Variants in FKBP4 observed in about 807,000 individuals in gnomAD.
FKBP4 encodes the protein peptidyl-prolyl cis-trans isomerase FKBP4.
In FKBP4, 28 loss-of-function variants were observed where a neutral mutation model predicts 54.1. That is an observed-to-expected ratio of 0.52 (90% confidence interval 0.38 to 0.71). The LOEUF (loss-of-function observed/expected upper bound fraction) is 0.71, where lower values mean the gene tolerates loss of function less well. Ranked by LOEUF, FKBP4 falls within the 30% of genes least tolerant of loss-of-function variation. FKBP4 has a pLI of 0.00. For missense variants in FKBP4, 493 were observed against 574.4 expected, an observed-to-expected ratio of 0.86 and a Z score of 1.45; for synonymous variants, 223 against 216.1, an observed-to-expected ratio of 1.03 and a Z score of -0.28.
intron 9 of FKBP4, among the ~76,000 whole-genome samples, chr12:2,802,168 G>A (rs554121144): frequency 2.6e-5 from 4 of 151,764 alleles, no homozygotes; most frequent in Admixed American, 2.6e-4. Flanking sequence ...ACAGAGTTTC[G>A]TTCTTGTTGC....
rs1011672120 is a variant in FKBP4, at chr12:2,805,250, A to C, written c.*1992A>C. On this transcript the variant is annotated 3_prime_UTR_variant, in exon 10 of 10. Transcript: ENST00000001008. Reference sequence around the variant, plus strand: ...GACTCTCCCATGAGGTTCCTTTGGCAAGTCCTGGGCTTCTGTCCTCATCTG... The same window carrying C: ...GACTCTCCCATGAGGTTCCTTTGGCCAGTCCTGGGCTTCTGTCCTCATCTG... The C allele has an allele frequency of 4.6e-5, 21 of 452,946 alleles. No individual in the cohort carries two copies. Among genetic ancestry groups the C allele is most frequent in the Non-Finnish European group, 8.4e-5 (19 of 225,840 alleles). 28.1% of individuals were successfully genotyped at this position (452,946 alleles called of 1,614,324 possible).
rs1442236219 is a variant in FKBP4, at chr12:2,804,436, T to C, written c.*1178T>C. 6.6e-6 allele frequency: 1 copy of C among 152,164 alleles called. No individual in the cohort carries two copies. Among genetic ancestry groups the C allele is most frequent in the Non-Finnish European group, 1.5e-5 (1 of 68,036 alleles). The allele number at this position is 152,164 out of a possible 1,614,324, so 9.4% of individuals were successfully genotyped here. ...GATTAAGGTTAAGAGTAAAGCAGAG[T>C]GTTCACGTCCAGCTTCCTTCTCAGC... On this transcript the variant is annotated 3_prime_UTR_variant, in exon 10 of 10. Transcript: ENST00000001008.
At chr12:2,799,318 C>T in intron 5 of FKBP4, 74 bp downstream of exon 5, 1 of 1,423,294 alleles carries the variant, frequency 7.0e-7, no homozygotes, top group Non-Finnish European at 9.3e-7. Flanking sequence ...ATTGTAGAAC[C>T]AGCTGTTTGT....
At chr12:2,801,039 C>A (rs1041943777) in intron 8 of FKBP4, 78 bp from the exon 9 acceptor site, 26 of 1,578,406 alleles carry the variant, frequency 1.6e-5, no homozygotes, top group Non-Finnish European at 2.2e-5. Context: ...CTGAGGGGTA[C>A]CTTTGGAACC....
At chr12:2,796,944 C>T in intron 1 of FKBP4, 194 bp from the exon 2 acceptor site, 5 of 1,370,420 alleles carry the variant, frequency 3.6e-6, no homozygotes, top group Non-Finnish European at 4.7e-6. Flanking sequence ...AGTCTTGCTG[C>T]ACCTCAAGAA....
intron 9 of FKBP4, among the ~76,000 whole-genome samples, chr12:2,802,844 C>T (rs1457021415): frequency 2.0e-5 from 3 of 152,234 alleles, no homozygotes; most frequent in African/African-American, 7.2e-5. Context: ...CCTCTTGTCT[C>T]AGCCTCCCGA....
rs1173287138 is a variant in FKBP4, at chr12:2,795,283, G to A, written c.105+39G>A. 5 of 1,111,840 alleles carry A rather than the reference G, an allele frequency of 4.5e-6. No homozygotes were observed. In the African/African-American group the frequency reaches 6.7e-5, roughly 15 times the overall value. 68.9% of individuals were successfully genotyped at this position (1,111,840 alleles called of 1,614,324 possible). A position where few individuals can be genotyped will look rare whatever the true frequency, so the allele number is the denominator to read the frequency against. ...GGGCCTGCGGAGGCGTCGGAACCCG[G>A]GGCCCCGCGGGCCGCCCTTCCGCCG... On this transcript the variant is annotated intron_variant, in intron 1 of 9. Coordinates refer to ENST00000001008, the MANE Select transcript of FKBP4 (RefSeq NM_002014.4). This position sits in a 1 kb window ranked among gnomAD's most constrained non-coding sequence, Gnocchi z 4.3.
rs2097906062 is a variant in FKBP4, at chr12:2,803,668, A to G, written c.*410A>G. The stretch of plus-strand genomic sequence containing the variant: ...TTTCCCTCTCCCAGTCCATTTCCAA[A>G]TGTGGCCTCCATGTGGGTGCTAGGG... On this transcript the variant is annotated 3_prime_UTR_variant, in exon 10 of 10. Coordinates refer to ENST00000001008, the MANE Select transcript of FKBP4 (RefSeq NM_002014.4). The G allele has an allele frequency of 5.8e-6, 1 of 171,858 alleles. No individual in the cohort carries two copies. Among genetic ancestry groups the G allele is most frequent in the Non-Finnish European group, 1.3e-5 (1 of 78,336 alleles). The allele number at this position is 171,858 out of a possible 1,614,324, so 10.6% of individuals were successfully genotyped here. A position where few individuals can be genotyped will look rare whatever the true frequency, so the allele number is the denominator to read the frequency against.
In FKBP4 at chr12:2,795,177, C is replaced by T. The variant is rs1371133830; in HGVS notation, c.38C>T (p.Ala13Val). The change falls in exon 1 of 10, where the codon GCG (alanine) becomes GTG (valine). Residue 13 changes from alanine (A) to valine (V), a missense_variant. Transcript: ENST00000001008. The surrounding 1 kb of genome is among the most constrained non-coding windows in gnomAD (Gnocchi z 4.3). ...GAGATGAAGGCGACCGAGAGCGGGG[C>T]GCAGTCGGCGCCGCTGCCCATGGAG... ...AEEMKATESGAQSAPLPMEGV... is the reference protein window; with the variant it reads ...AEEMKATESGVQSAPLPMEGV... 1 of 1,318,166 alleles carries T rather than the reference C, an allele frequency of 7.6e-7. No individual in the cohort carries two copies. The highest frequency in any genetic ancestry group is 9.8e-7 in the Non-Finnish European group (1 of 1,024,990). 81.7% of individuals were successfully genotyped at this position (1,318,166 alleles called of 1,614,324 possible).
chr12:2,801,023 A>G, intron 8 of FKBP4, 94 bp from the exon 9 acceptor site: 12 of 1,533,474 alleles, frequency 7.8e-6, no homozygotes, highest in Non-Finnish European at 1.1e-5. Context: ...ATTCCTCCTC[A>G]TCCTCCTGAG....
rs758107060 is a variant in FKBP4, at chr12:2,799,990, G to A, written c.763-49G>A. The A allele has an allele frequency of 3.4e-5, 55 of 1,612,430 alleles. No homozygotes were observed. In the East Asian group the frequency reaches 4.9e-4, roughly 14 times the overall value. ...TCTAAAGTCAAGTTCCACCCTGTAC[G>A]TGACTCTGGGGTAGCTGACAACTTT... is the stretch of plus-strand genomic sequence containing the variant. On this transcript the variant is annotated intron_variant, in intron 6 of 9. Transcript: ENST00000001008.
Position 2,795,990 on chromosome 12 carries a change from T to C in FKBP4, c.105+746T>C. On this transcript the variant is annotated intron_variant, in intron 1 of 9. Transcript: ENST00000001008. This position sits in a 1 kb window ranked among gnomAD's most constrained non-coding sequence, Gnocchi z 4.3. Reference sequence around the variant, plus strand: ...GGGGTGTGGGGCGGGGAGGAGGCGCTCTGCTGTGGAGCCTGCCGCCGAGTG... The same window carrying C: ...GGGGTGTGGGGCGGGGAGGAGGCGCCCTGCTGTGGAGCCTGCCGCCGAGTG... 1 of 1,096,126 alleles carries C rather than the reference T, an allele frequency of 9.1e-7. No homozygotes were observed. Among genetic ancestry groups the C allele is most frequent in the Non-Finnish European group, 1.1e-6 (1 of 892,556 alleles). The allele number at this position is 1,096,126 out of a possible 1,614,324, so 67.9% of individuals were successfully genotyped here.
rs1431904390 is a variant in FKBP4 at position 2,799,831 on chromosome 12, G to T, written c.672-19G>T. 17 of 1,607,494 alleles carry T rather than the reference G, an allele frequency of 1.1e-5. No homozygotes were observed. The highest frequency in any genetic ancestry group is 1.4e-5 in the Non-Finnish European group (17 of 1,174,948). On this transcript the variant is annotated intron_variant, in intron 5 of 9. Coordinates refer to ENST00000001008, the MANE Select transcript of FKBP4 (RefSeq NM_002014.4). ...TTAAGTGTTGCCAAGATGATACATA[G>T]TGTTTTTCACCCCTCCAGCTATGCT...
chr12:2,796,875 AC>A, intron 1 of FKBP4: 1 of 1,274,256 alleles, frequency 7.8e-7, no homozygotes, highest in African/African-American at 1.5e-5. Context: ...TTAAAAACTT[AC>A]CATACAGCGG....
rs935168835 is a variant in FKBP4, at chr12:2,795,948, C to T, written c.105+704C>T. On this transcript the variant is annotated intron_variant, in intron 1 of 9. Coordinates refer to ENST00000001008, the MANE Select transcript of FKBP4 (RefSeq NM_002014.4). The surrounding 1 kb of genome is among the most constrained non-coding windows in gnomAD (Gnocchi z 4.3). Reference sequence around the variant, plus strand: ...TAGTCCCCTCCCCCCTCCGCCGCCTCCCGGAGCCAGGGCTGCGGGGTGTGG... The same window carrying T: ...TAGTCCCCTCCCCCCTCCGCCGCCTTCCGGAGCCAGGGCTGCGGGGTGTGG... 1 of 1,025,508 alleles carries T rather than the reference C, an allele frequency of 9.8e-7. No individual in the cohort carries two copies. The highest frequency in any genetic ancestry group is 5.3e-5 in the Admixed American group (1 of 18,766). 63.5% of individuals were successfully genotyped at this position (1,025,508 alleles called of 1,614,324 possible).
intron 4 of FKBP4, 86 bp from the exon 5 acceptor site, chr12:2,799,001 TG>T: frequency 6.9e-7 from 1 of 1,453,628 alleles, no homozygotes; most frequent in Non-Finnish European, 9.3e-7. Context: ...CTTGGGATGA[TG>T]GGGGTGATGC....
rs1399689475 is a variant in FKBP4, at chr12:2,795,075, C to T, written c.-65C>T. The T allele has an allele frequency of 2.8e-6, 3 of 1,066,410 alleles. No individual in the cohort carries two copies. The highest frequency in any genetic ancestry group is 6.8e-5 in the East Asian group (2 of 29,270). 66.1% of individuals were successfully genotyped at this position (1,066,410 alleles called of 1,614,324 possible). A position where few individuals can be genotyped will look rare whatever the true frequency, so the allele number is the denominator to read the frequency against. On this transcript the variant is annotated 5_prime_UTR_variant, in exon 1 of 10. Transcript: ENST00000001008. This position sits in a 1 kb window ranked among gnomAD's most constrained non-coding sequence, Gnocchi z 4.3. ...CCGCACGCCCCGCAGGTAGCGCCCC[C>T]GCCCGCGGCCCAGAGTGCGCTCGCG... is the stretch of plus-strand genomic sequence containing the variant.
chr12:2,801,132 A>T lies in FKBP4; in HGVS notation c.1048A>T (p.Ser350Cys). 1 of 1,613,964 alleles carries T rather than the reference A, an allele frequency of 6.2e-7. No homozygotes were observed. Residue 350 changes from serine to cysteine, a missense_variant, in exon 9 of 10, where the codon AGC (serine) becomes TGC (cysteine). Transcript: ENST00000001008. ...CATTCTTTAGGCCCTAGAACTGGAC[A>T]GCAACAACGAGAAGGGCCTCTTCCG... ...ESCNKALELDSNNEKGLFRRG... is the reference protein window; with the variant it reads ...ESCNKALELDCNNEKGLFRRG...
chr12:2,800,990 C>T (rs2097904422), intron 8 of FKBP4, 127 bp from the exon 9 acceptor site: 4 of 1,286,768 alleles, frequency 3.1e-6, no homozygotes, highest in Non-Finnish European at 4.3e-6. Context: ...CTTGTTCTTC[C>T]TGGGGTGCAG....
Sources: gnomAD v4.1 joint callset for allele counts (sites outside exome capture counted in the v4.1 genomes callset) on GRCh38, gnomAD v4.1.1 for gene constraint, Gnocchi (gnomAD v3.1) non-coding constraint, MANE v1.5 for transcripts, NCBI Gene and HGNC (gene_info 2026-07-23, HGNC 2026-07-21) for gene names.